The following SLC9A9 variants were observed in gnomAD, a reference collection of about 807,000 sequenced individuals.
The protein encoded by SLC9A9 is solute carrier family 9 member A9.
In SLC9A9, 62 loss-of-function variants were observed where a neutral mutation model predicts 77.8. The observed-to-expected ratio is 0.80, with a 90% CI of 0.65 to 0.98. The LOEUF (loss-of-function observed/expected upper bound fraction) is 0.98. Among genes scored for constraint, SLC9A9 ranks in the 50% least tolerant of loss-of-function variants. The pLI is 0.00. For synonymous variants in SLC9A9, 320 were observed against 283.5 expected, an observed-to-expected ratio of 1.13 and a Z score of -1.29; for missense variants, 775 against 774.9, an observed-to-expected ratio of 1.00 and a Z score of 0.00.
At chr3:143,289,636 C>T (rs1938481302) in intron 14 of SLC9A9, among the ~76,000 whole-genome samples, 1 of 152,182 alleles carries the variant, frequency 6.6e-6, no homozygotes, top group Non-Finnish European at 1.5e-5. Context: ...GTTCTGTCTA[C>T]TCCACCTGCC....
intron 4 of SLC9A9, among the ~76,000 whole-genome samples, chr3:143,708,319 G>T (rs1205637303): frequency 6.6e-6 from 1 of 152,084 alleles, no homozygotes; most frequent in African/African-American, 2.4e-5. Flanking sequence ...CAGGGGAGAA[G>T]AATGAGAGGA....
intron 5 of SLC9A9, among the ~76,000 whole-genome samples, chr3:143,672,727 A>G (rs73868005): frequency 4.5e-4 from 69 of 152,338 alleles, no homozygotes; most frequent in African/African-American, 1.6e-3. Flanking sequence ...TGTTTAATTA[A>G]AATGAATTTA....
chr3:143,800,882 T>G (rs914239632), intron 2 of SLC9A9, among the ~76,000 whole-genome samples: 13 of 152,220 alleles, frequency 8.5e-5, no homozygotes, highest in African/African-American at 2.9e-4. Context: ...TTACCTGTCT[T>G]GGCATAATTC....
chr3:143,830,295 C>A (rs1204745883), intron 2 of SLC9A9, among the ~76,000 whole-genome samples: 1 of 152,148 alleles, frequency 6.6e-6, no homozygotes, highest in Non-Finnish European at 1.5e-5. Context: ...CCATGATTGA[C>A]AAGTTCATCT....
At chr3:143,633,995 G>A (rs35629124) in intron 6 of SLC9A9, among the ~76,000 whole-genome samples, 18,753 of 152,146 alleles carry the variant, frequency 0.12, 1,470 homozygotes, top group Non-Finnish European at 0.18. Flanking sequence ...AATCTGGCTT[G>A]GGTTTCACAT....
chr3:143,762,763 A>G (rs548223613), intron 4 of SLC9A9, among the ~76,000 whole-genome samples: 12 of 152,292 alleles, frequency 7.9e-5, no homozygotes, highest in Admixed American at 6.5e-4. Flanking sequence ...GAGTCCCACA[A>G]TATATGGCCA....
chr3:143,628,228 C>T (rs912101166), intron 6 of SLC9A9, among the ~76,000 whole-genome samples: 8 of 152,270 alleles, frequency 5.3e-5, no homozygotes, highest in African/African-American at 1.9e-4. Flanking sequence ...TGCACCTCCA[C>T]TTACGATGGG....
intron 14 of SLC9A9, among the ~76,000 whole-genome samples, chr3:143,291,403 C>T (rs140473228): frequency 7.9e-5 from 12 of 152,280 alleles, no homozygotes; most frequent in South Asian, 2.1e-4. Context: ...GGTGGAAGGC[C>T]GGGAGGCAGG....
chr3:143,410,810 G>C (rs1265841235), intron 12 of SLC9A9, among the ~76,000 whole-genome samples: 1 of 152,054 alleles, frequency 6.6e-6, no homozygotes. Flanking sequence ...CAATTTAGCT[G>C]TGTCCTATAC....
intron 12 of SLC9A9, among the ~76,000 whole-genome samples, chr3:143,449,566 AATT>A (rs1455194485): frequency 2.6e-5 from 1 of 38,048 alleles, no homozygotes; most frequent in East Asian, 1.0e-3. Flanking sequence ...TATAAAATAT[AATT>A]ATAATTATAT....
At chr3:143,662,499 G>T (rs1385260827) in intron 5 of SLC9A9, among the ~76,000 whole-genome samples, 4 of 152,192 alleles carry the variant, frequency 2.6e-5, no homozygotes, top group Admixed American at 2.6e-4. Flanking sequence ...GCAGGGCGGG[G>T]CATCACCTCA....
At chr3:143,517,232 A>G in intron 9 of SLC9A9, 2 of 1,261,150 alleles carry the variant, frequency 1.6e-6, no homozygotes, top group Non-Finnish European at 2.3e-6. Context: ...CTGGAAGGCC[A>G]CCATAACTTC....
intron 11 of SLC9A9, among the ~76,000 whole-genome samples, chr3:143,479,351 G>A (rs940084322): frequency 6.6e-6 from 1 of 151,988 alleles, no homozygotes; most frequent in Non-Finnish European, 1.5e-5. Flanking sequence ...GGTTCAAGTG[G>A]TCTTCCCAAC....
chr3:143,299,814 C>T (rs1354411620), intron 14 of SLC9A9, among the ~76,000 whole-genome samples: 1 of 152,126 alleles, frequency 6.6e-6, no homozygotes, highest in Non-Finnish European at 1.5e-5. Flanking sequence ...TTTGGAACCA[C>T]TGCTTAGTGG....
At chr3:143,329,534 C>T (rs1286577387) in intron 14 of SLC9A9, among the ~76,000 whole-genome samples, 2 of 152,158 alleles carry the variant, frequency 1.3e-5, no homozygotes, top group Non-Finnish European at 2.9e-5. Context: ...CTGGGCTGCC[C>T]GACTCTGCCA....
At chr3:143,355,727 C>T (rs2032567955) in intron 14 of SLC9A9, among the ~76,000 whole-genome samples, 2 of 152,102 alleles carry the variant, frequency 1.3e-5, no homozygotes, top group African/African-American at 2.4e-5. Context: ...TCGCAAGTGC[C>T]CAGGATGGTG....
intron 12 of SLC9A9, among the ~76,000 whole-genome samples, chr3:143,409,241 T>G (rs985434112): frequency 2.6e-5 from 4 of 152,242 alleles, no homozygotes; most frequent in African/African-American, 9.6e-5. Flanking sequence ...CTATTTATTC[T>G]GATTGAAATA....
intron 9 of SLC9A9, among the ~76,000 whole-genome samples, chr3:143,546,463 T>G (rs1320502428): frequency 6.6e-6 from 1 of 152,228 alleles, no homozygotes; most frequent in African/African-American, 2.4e-5. Context: ...TAAAATGTAC[T>G]GAAATAGGTA....
chr3:143,572,403 G>T (rs1276626943), intron 8 of SLC9A9, among the ~76,000 whole-genome samples: 1 of 151,862 alleles, frequency 6.6e-6, no homozygotes, highest in Non-Finnish European at 1.5e-5. Flanking sequence ...TTTCTAGAAG[G>T]TCAAATATTT....
Sources: gnomAD v4.1 joint callset for allele counts (sites outside exome capture counted in the v4.1 genomes callset) on GRCh38, gnomAD v4.1.1 for gene constraint, MANE v1.5 for transcripts, NCBI Gene and HGNC (gene_info 2026-07-23, HGNC 2026-07-21) for gene names.